Variants in ACOX3 observed in about 807,000 individuals in gnomAD.
ACOX3 encodes acyl-CoA oxidase 3, pristanoyl.
In ACOX3, 73 loss-of-function variants were observed where a neutral mutation model predicts 81.5. The ratio of observed to expected loss-of-function variants is 0.90; its 90% confidence interval spans 0.74 to 1.09. The LOEUF is 1.09. ACOX3 is among the 50% of genes least tolerant of loss of function. The probability of loss-of-function intolerance (pLI) is 0.00; values close to 1 mark genes in which losing one functional copy is unlikely to be tolerated. For synonymous variants in ACOX3, 387 were observed against 375.1 expected (o/e 1.03, Z -0.37); for missense variants, 947 against 928.0 (o/e 1.02, Z -0.27).
chr4:8,410,306 C>T lies in ACOX3; in HGVS notation c.593G>A (p.Gly198Asp). 6.2e-7 allele frequency: 1 copy of T among 1,614,092 alleles called. No homozygotes were observed. Among genetic ancestry groups the T allele is most frequent in the Non-Finnish European group, 8.5e-7 (1 of 1,179,986 alleles). Reference sequence around the variant, plus strand: ...GTGAGTGGCTGTCTTGCCCATGTTGCCAACCCAAAACTTGGCAGCTTCGAA... The same window carrying T: ...GTGAGTGGCTGTCTTGCCCATGTTGTCAACCCAAAACTTGGCAGCTTCGAA... ...PDFEAAKFWV[G>D]NMGKTATHAV... The change falls in exon 6 of 18, where the codon GGC (glycine) becomes GAC (aspartate). Residue 198 changes from glycine (G) to aspartate (D), a missense_variant. Gly to Asp is a moderately conservative substitution (Grantham distance 94). Coordinates refer to ENST00000356406, the MANE Select transcript of ACOX3 (RefSeq NM_003501.3).
At chr4:8,436,680 T>G (rs559177282) in intron 1 of ACOX3, among the ~76,000 whole-genome samples, 26 of 152,230 alleles carry the variant, frequency 1.7e-4, no homozygotes, top group Middle Eastern at 6.8e-3. Context: ...TGTAAAGCAT[T>G]CTGGCTTTAC....
chr4:8,386,382 C>T lies in ACOX3; in HGVS notation c.1537+2791G>A, dbSNP rs1325896363. Among the ~76,000 whole-genome samples the T allele has an allele frequency of 7.9e-5, 12 of 151,942 alleles. No homozygotes were observed. The East Asian group carries it at 1.6e-3, about 20-fold the overall frequency. ...GATATCGAGACCATCCTGCCTAACA[C>T]GGTGAAACTCCGTCTCTACTAAAAA... is the stretch of plus-strand genomic sequence containing the variant. On this transcript the variant is annotated intron_variant, in intron 13 of 17. Coordinates refer to ENST00000356406, the MANE Select transcript of ACOX3 (RefSeq NM_003501.3). This position sits in a 1 kb window ranked among gnomAD's most constrained non-coding sequence, Gnocchi z 5.2.
chr4:8,397,229 C>A, intron 8 of ACOX3, 110 bp from the exon 9 acceptor site: 2 of 1,096,644 alleles, frequency 1.8e-6, no homozygotes, highest in Non-Finnish European at 2.5e-6. Flanking sequence ...TAGACCTGTG[C>A]CCACCTGCCC....
At chr4:8,356,009 A>C in the ACOX3 span, 38,409 of 176,938 alleles carry the variant, frequency 0.22, 4,496 homozygotes, top group African/African-American at 0.3. Context: ...TCAGGTCGGC[A>C]ACAGGCAGAG....
At chr4:8,420,002 A>C (rs1722757191) in intron 1 of ACOX3, among the ~76,000 whole-genome samples, 1 of 152,240 alleles carries the variant, frequency 6.6e-6, no homozygotes, top group East Asian at 1.9e-4. Context: ...ACCTCCAGTT[A>C]CTGAGCTGGT....
At chr4:8,415,658 TG>T in intron 3 of ACOX3, 107 bp downstream of exon 3, 2 of 921,244 alleles carry the variant, frequency 2.2e-6, no homozygotes, top group Non-Finnish European at 3.3e-6. Context: ...CAAATATAGC[TG>T]GACAAACTGG....
intron 8 of ACOX3, among the ~76,000 whole-genome samples, chr4:8,397,820 C>A (rs143531486): frequency 1.3e-5 from 2 of 152,324 alleles, no homozygotes; most frequent in East Asian, 3.9e-4. Flanking sequence ...TGTGTCTGAG[C>A]GTATTAATCA....
At chr4:8,412,272 A>G (rs1240666294) in intron 5 of ACOX3, among the ~76,000 whole-genome samples, 2 of 152,258 alleles carry the variant, frequency 1.3e-5, no homozygotes, top group Non-Finnish European at 2.9e-5. Flanking sequence ...CCAAGGCCCC[A>G]CAGCAGGGGC....
chr4:8,381,371 AG>A lies in ACOX3; in HGVS notation c.1653+120del. ...GCAAAGTCATCAAGTCATCTGCCCA[AG>A]GTCACGGGAGCTCGGGGTCTGGGGC... is the stretch of plus-strand genomic sequence containing the variant. On this transcript the variant is annotated intron_variant, in intron 14 of 17. Transcript: ENST00000356406. The surrounding 1 kb of genome is among the most constrained non-coding windows in gnomAD (Gnocchi z 4.3). 1 of 805,918 alleles carries A rather than the reference AG, an allele frequency of 1.2e-6. No individual in the cohort carries two copies. The highest frequency in any genetic ancestry group is 2.5e-5 in the East Asian group (1 of 40,354). 49.9% of individuals were successfully genotyped at this position (805,918 alleles called of 1,614,324 possible).
intron 5 of ACOX3, among the ~76,000 whole-genome samples, chr4:8,411,862 A>C (rs1185234337): frequency 6.6e-6 from 1 of 152,176 alleles, no homozygotes; most frequent in Non-Finnish European, 1.5e-5. Flanking sequence ...TGTGCCTCAC[A>C]CACAACAGGT....
At position 8,389,177 on chromosome 4, in the gene ACOX3, A is replaced by G. The variant is rs752904139; in HGVS notation, c.1533T>C (p.Ser511=). Residue 511 remains serine (S), a synonymous_variant, in exon 13 of 18, where the codon TCT becomes TCC. Coordinates refer to ENST00000356406, the MANE Select transcript of ACOX3 (RefSeq NM_003501.3). The surrounding 1 kb of genome is among the most constrained non-coding windows in gnomAD (Gnocchi z 5.3). Reference sequence around the variant, plus strand: ...GCCCTCCACCTGTGTGTTTACCTGCAGAGTCCAAGCAGTCGGCAACACTGG... The same window carrying G: ...GCCCTCCACCTGTGTGTTTACCTGCGGAGTCCAAGCAGTCGGCAACACTGG... ...EVSSVADCLD[S]AVALAAYKWL... 1.9e-6 allele frequency: 3 copies of G among 1,613,234 alleles called. No individual in the cohort carries two copies. In the African/African-American group the frequency reaches 4.0e-5, roughly 22 times the overall value.
In ACOX3 at chr4:8,394,509, TG is replaced by T; in HGVS notation, c.1179+110del. 1 of 1,468,930 alleles carries T rather than the reference TG, an allele frequency of 6.8e-7. No individual in the cohort carries two copies. The highest frequency in any genetic ancestry group is 9.1e-7 in the Non-Finnish European group (1 of 1,098,796). The allele number at this position is 1,468,930 out of a possible 1,614,324, so 91.0% of individuals were successfully genotyped here. ...GGTGGGAACAACTGGAGGAATGCTC[TG>T]TCCTCGCAAATCAAAGGACTGATTT... On this transcript the variant is annotated intron_variant, in intron 10 of 17. Coordinates refer to ENST00000356406, the MANE Select transcript of ACOX3 (RefSeq NM_003501.3). The surrounding 1 kb of genome is among the most constrained non-coding windows in gnomAD (Gnocchi z 5.9).
At chr4:8,390,970 G>T (rs898637078) in intron 11 of ACOX3, among the ~76,000 whole-genome samples, 1 of 151,488 alleles carries the variant, frequency 6.6e-6, no homozygotes, top group Non-Finnish European at 1.5e-5. Flanking sequence ...CCTAGATGGA[G>T]CCTCGGTCAT....
rs899724606 is a variant in ACOX3 at position 8,374,958 on chromosome 4, C to A, written c.1828+20G>T. On this transcript the variant is annotated intron_variant, in intron 15 of 17. Transcript: ENST00000356406. Reference sequence around the variant, plus strand: ...CCCTGACTCTGGGGAGGACAGCAAGCCCGCAGTCAGAAGCCTCACCTCGGT... The same window carrying A: ...CCCTGACTCTGGGGAGGACAGCAAGACCGCAGTCAGAAGCCTCACCTCGGT... 6.5e-5 allele frequency: 96 copies of A among 1,487,202 alleles called. No individual in the cohort carries two copies. The highest frequency in any genetic ancestry group is 8.6e-5 in the Non-Finnish European group (96 of 1,110,562). 92.1% of individuals were successfully genotyped at this position (1,487,202 alleles called of 1,614,324 possible). A position where few individuals can be genotyped will look rare whatever the true frequency, so the allele number is the denominator to read the frequency against.
intron 1 of ACOX3, among the ~76,000 whole-genome samples, chr4:8,425,950 C>T (rs2109023975): frequency 6.6e-6 from 1 of 152,090 alleles, no homozygotes; most frequent in South Asian, 2.1e-4. Context: ...AGAAAATGAA[C>T]GAAACACTCA....
At chr4:8,380,238 G>A (rs1052596912) in intron 14 of ACOX3, among the ~76,000 whole-genome samples, 37 of 140,878 alleles carry the variant, frequency 2.6e-4, no homozygotes, top group African/African-American at 1.0e-3. Flanking sequence ...CACCCAAGCT[G>A]GAGTGCAGTG....
chr4:8,438,265 A>C (rs546310359), intron 1 of ACOX3, among the ~76,000 whole-genome samples: 3 of 152,230 alleles, frequency 2.0e-5, no homozygotes, highest in South Asian at 2.1e-4. Context: ...ATAGGCCAGC[A>C]TTTGTAGCTG....
chr4:8,402,285 C>T (rs1325100090), intron 7 of ACOX3, among the ~76,000 whole-genome samples: 3 of 152,202 alleles, frequency 2.0e-5, no homozygotes, highest in African/African-American at 7.2e-5. Context: ...GGCCCCTGCC[C>T]ACCTGCAGGA....
chr4:8,417,134 G>C (rs1722427604), intron 1 of ACOX3, among the ~76,000 whole-genome samples: 1 of 152,260 alleles, frequency 6.6e-6, no homozygotes, highest in Admixed American at 6.5e-5. Flanking sequence ...CAGCTCTCTT[G>C]ACCAAATAAC....
Sources: gnomAD v4.1 joint callset for allele counts (sites outside exome capture counted in the v4.1 genomes callset) on GRCh38, gnomAD v4.1.1 for gene constraint, Gnocchi (gnomAD v3.1) non-coding constraint, MANE v1.5 for transcripts, NCBI Gene and HGNC (gene_info 2026-07-23, HGNC 2026-07-21) for gene names.